Variants in COG5 observed in about 807,000 individuals in gnomAD.
COG5 encodes component of oligomeric golgi complex 5, also known as conserved oligomeric Golgi complex subunit 5.
Under a neutral mutation model 110.4 loss-of-function variants are expected in COG5, and 86 were observed. The ratio of observed to expected loss-of-function variants is 0.78; its 90% CI spans 0.65 to 0.93. The LOEUF (loss-of-function observed/expected upper bound fraction) is 0.93, where lower values mean the gene tolerates loss of function less well. Ranked by LOEUF, COG5 falls within the 40% of genes least tolerant of loss-of-function variation. COG5 has a pLI of 0.00. For missense variants in COG5, 1,077 were observed against 987.0 expected (o/e 1.09, Z -1.22); for synonymous variants, 360 against 334.6 (o/e 1.08, Z -0.83).
At chr7:107,513,696 C>T (rs984471873) in intron 6 of COG5, among the ~76,000 whole-genome samples, 11 of 152,258 alleles carry the variant, frequency 7.2e-5, no homozygotes, top group African/African-American at 2.6e-4. Flanking sequence ...GGCACATATA[C>T]ACCATGGAAT....
intron 7 of COG5, among the ~76,000 whole-genome samples, chr7:107,381,660 C>T (rs772803321): frequency 2.6e-5 from 4 of 152,050 alleles, no homozygotes; most frequent in Admixed American, 1.3e-4. Flanking sequence ...TTGGAGATTG[C>T]GACATTGGAA....
At chr7:107,225,288 C>T (rs1308390629) in intron 19 of COG5, among the ~76,000 whole-genome samples, 1 of 152,016 alleles carries the variant, frequency 6.6e-6, no homozygotes, top group Admixed American at 6.6e-5. Flanking sequence ...TGTTTTAGTA[C>T]ATTTTTTTAT....
chr7:107,553,281 C>T (rs1803062418), intron 3 of COG5, among the ~76,000 whole-genome samples: 1 of 152,164 alleles, frequency 6.6e-6, no homozygotes, highest in African/African-American at 2.4e-5. Flanking sequence ...ATTTCCAGTA[C>T]TAAGTCAATC....
rs1476170381 is a variant in COG5 at position 107,288,943 on chromosome 7, T to G, written c.1314-5211A>C. On this transcript the variant is annotated intron_variant, in intron 12 of 21. Coordinates refer to ENST00000297135, the MANE Select transcript of COG5 (RefSeq NM_006348.5). ...ATATATATATATATATATATATATA[T>G]ATATATATATATATATATATTTAAA... Among the ~76,000 whole-genome samples, 48 of 114,480 alleles carry G rather than the reference T, an allele frequency of 4.2e-4. 1 individual carries two copies. The highest frequency in any genetic ancestry group is 4.3e-3 in the Middle Eastern group (1 of 232). The allele number at this position is 114,480 out of a possible 152,430, so 75.1% of individuals were successfully genotyped here.
At chr7:107,496,848 T>C (rs940475871) in intron 6 of COG5, among the ~76,000 whole-genome samples, 1 of 152,010 alleles carries the variant, frequency 6.6e-6, no homozygotes, top group Non-Finnish European at 1.5e-5. Context: ...ATAAAGGTCA[T>C]ATATGAAGAA....
intron 21 of COG5, chr7:107,209,329 C>T (rs1798995967): frequency 1.8e-6 from 1 of 541,914 alleles, no homozygotes; most frequent in African/African-American, 2.1e-5. Context: ...GTGATTGTGA[C>T]CTCCCAACCA....
intron 10 of COG5, among the ~76,000 whole-genome samples, chr7:107,342,634 C>T (rs1431628203): frequency 1.3e-5 from 2 of 151,944 alleles, no homozygotes; most frequent in African/African-American, 4.8e-5. Context: ...GCCAAGATCA[C>T]GCCACTGCAT....
intron 13 of COG5, among the ~76,000 whole-genome samples, 178 bp from the exon 14 acceptor site, chr7:107,281,577 G>A (rs529337471): frequency 6.6e-6 from 1 of 152,208 alleles, no homozygotes; most frequent in African/African-American, 2.4e-5. Flanking sequence ...CTTGGAAAAA[G>A]TACCTGGAGA....
intron 12 of COG5, among the ~76,000 whole-genome samples, chr7:107,296,080 TCCTTC>T (rs1317760957): frequency 1.3e-5 from 2 of 151,936 alleles, no homozygotes; most frequent in Admixed American, 6.6e-5. Flanking sequence ...TTCTTTCTTT[TCCTTC>T]CCTTCCCTTC....
At chr7:107,241,474 A>G (rs1801625897) in intron 17 of COG5, among the ~76,000 whole-genome samples, 1 of 148,562 alleles carries the variant, frequency 6.7e-6, no homozygotes, top group African/African-American at 2.5e-5. Flanking sequence ...TTTTTTTGAT[A>G]CAGAGTCTCA....
chr7:107,411,345 T>C (rs1009822613), intron 7 of COG5, among the ~76,000 whole-genome samples: 1 of 152,282 alleles, frequency 6.6e-6, no homozygotes, highest in African/African-American at 2.4e-5. Context: ...TGTAGAGAAA[T>C]ACTCTTTTTT....
At chr7:107,445,996 T>C (rs1246963626) in intron 6 of COG5, among the ~76,000 whole-genome samples, 1 of 152,184 alleles carries the variant, frequency 6.6e-6, no homozygotes, top group Non-Finnish European at 1.5e-5. Flanking sequence ...TCATTGAGAA[T>C]AGTGCCCCTT....
chr7:107,491,815 T>C (rs1472596215), intron 6 of COG5, among the ~76,000 whole-genome samples: 3 of 152,130 alleles, frequency 2.0e-5, no homozygotes, highest in Admixed American at 6.6e-5. Context: ...ACTAAAATCT[T>C]GAATAAATAT....
In COG5 at chr7:107,203,013, C is replaced by G. The variant is rs992810506; in HGVS notation, c.*503G>C. On this transcript the variant is annotated 3_prime_UTR_variant, in exon 22 of 22. Transcript: ENST00000297135. ...TAGTGGTGTCTGTCAGGCTCCCACTCCTAGACATGTTAATTAATGTGGAGT... is the reference window on the plus strand; with the variant it reads ...TAGTGGTGTCTGTCAGGCTCCCACTGCTAGACATGTTAATTAATGTGGAGT... The G allele has an allele frequency of 1.3e-5, 2 of 159,178 alleles. No homozygotes were observed. The highest frequency in any genetic ancestry group is 4.9e-5 in the African/African-American group (2 of 41,222). The allele number at this position is 159,178 out of a possible 1,614,324, so 9.9% of individuals were successfully genotyped here. A position where few individuals can be genotyped will look rare whatever the true frequency, so the allele number is the denominator to read the frequency against.
chr7:107,545,501 T>G (rs550466688), intron 5 of COG5, among the ~76,000 whole-genome samples: 1 of 152,172 alleles, frequency 6.6e-6, no homozygotes, highest in South Asian at 2.1e-4. Flanking sequence ...GAAAATAGGC[T>G]GGGTGCAGTG....
At position 107,406,942 on chromosome 7, in the gene COG5, A is replaced by G. The variant is rs566702404; in HGVS notation, c.669+5560T>C. The stretch of plus-strand genomic sequence containing the variant: ...TGCACTCCCTGAAATACAAATTGCC[A>G]TCTTTCTCACAACTAAACAAACTAT... On this transcript the variant is annotated intron_variant, in intron 7 of 21. Coordinates refer to ENST00000297135, the MANE Select transcript of COG5 (RefSeq NM_006348.5). Among the ~76,000 whole-genome samples the G allele has an allele frequency of 5.9e-5, 9 of 152,358 alleles. No homozygotes were observed. The South Asian group carries it at 6.2e-4, about 11-fold the overall frequency.
intron 6 of COG5, among the ~76,000 whole-genome samples, chr7:107,511,421 A>G (rs9656138): frequency 0.28 from 41,982 of 151,970 alleles, 5,836 homozygotes; most frequent in East Asian, 0.33. Context: ...CCAACCAAAA[A>G]AAGTCCAGGA....
intron 19 of COG5, among the ~76,000 whole-genome samples, chr7:107,225,798 T>G (rs1024112095): frequency 3.3e-5 from 5 of 152,174 alleles, no homozygotes; most frequent in Non-Finnish European, 5.9e-5. Flanking sequence ...ATCCCAACAC[T>G]TTGGGAGGCC....
At chr7:107,471,232 T>C (rs1356464027) in intron 6 of COG5, 2 of 152,110 alleles carry the variant, frequency 1.3e-5, no homozygotes, top group East Asian at 1.9e-4. Context: ...TTTATGCATA[T>C]AGCTGTGGCT....
Sources: gnomAD v4.1 joint callset for allele counts (sites outside exome capture counted in the v4.1 genomes callset) on GRCh38, gnomAD v4.1.1 for gene constraint, MANE v1.5 for transcripts, NCBI Gene and HGNC (gene_info 2026-07-23, HGNC 2026-07-21) for gene names.